Variants in IPO11 observed in about 807,000 individuals in gnomAD.
IPO11 encodes the protein importin 11.
Under a neutral mutation model 143.2 loss-of-function variants are expected in IPO11, and 66 were observed. The observed-to-expected ratio is 0.46, with a 90% CI of 0.38 to 0.57. The LOEUF (loss-of-function observed/expected upper bound fraction) is 0.57. Ranked by LOEUF, IPO11 falls within the 20% of genes least tolerant of loss-of-function variation. IPO11 has a pLI of 0.00. For missense variants in IPO11, 1,026 were observed against 1,141.0 expected (o/e 0.90, Z 1.45); for synonymous variants, 385 against 377.8 (o/e 1.02, Z -0.22).
chr5:62,546,684 A>C (rs572704718), intron 24 of IPO11, among the ~76,000 whole-genome samples: 2 of 152,320 alleles, frequency 1.3e-5, no homozygotes, highest in African/African-American at 4.8e-5. Context: ...TCTTTTTGTA[A>C]TAACAAAATG....
chr5:62,460,396 A>G (rs1231471147), intron 5 of IPO11, among the ~76,000 whole-genome samples: 6 of 152,188 alleles, frequency 3.9e-5, no homozygotes, highest in Non-Finnish European at 5.9e-5. Flanking sequence ...TTGTTGATTA[A>G]TATACCTTGC....
chr5:62,543,897 G>A (rs934538564), intron 24 of IPO11, among the ~76,000 whole-genome samples: 1 of 152,042 alleles, frequency 6.6e-6, no homozygotes, highest in South Asian at 2.1e-4. Flanking sequence ...CATTGTTCTC[G>A]TTGGTTTCAA....
At chr5:62,432,207 G>C (rs1744018817) in intron 1 of IPO11, among the ~76,000 whole-genome samples, 3 of 152,150 alleles carry the variant, frequency 2.0e-5, no homozygotes, top group South Asian at 2.1e-4. Flanking sequence ...ATTTATCCTG[G>C]TGTGGTACCT....
At chr5:62,572,579 T>C (rs896782570) in intron 27 of IPO11, among the ~76,000 whole-genome samples, 6 of 133,922 alleles carry the variant, frequency 4.5e-5, no homozygotes, top group African/African-American at 1.6e-4. Context: ...ATTTATTTAT[T>C]TATTTATTTT....
At chr5:62,418,941 G>T in intron 1 of IPO11, 1 of 1,506,912 alleles carries the variant, frequency 6.6e-7, no homozygotes. Context: ...GTTGCTTAAG[G>T]CTGGGATACA....
At chr5:62,443,754 C>T (rs1007130358) in intron 3 of IPO11, among the ~76,000 whole-genome samples, 1 of 152,052 alleles carries the variant, frequency 6.6e-6, no homozygotes, top group Non-Finnish European at 1.5e-5. Context: ...CATTTGTAAT[C>T]ACATTAGTAT....
intron 9 of IPO11, among the ~76,000 whole-genome samples, chr5:62,482,099 G>T (rs960258351): frequency 1.2e-4 from 19 of 152,178 alleles, no homozygotes; most frequent in African/African-American, 4.3e-4. Context: ...AGTGTTCTCT[G>T]ATGTTGGTTT....
chr5:62,421,807 T>C (rs1227215138), intron 1 of IPO11, among the ~76,000 whole-genome samples: 6 of 152,226 alleles, frequency 3.9e-5, no homozygotes, highest in Non-Finnish European at 5.9e-5. Flanking sequence ...ATACAGCACA[T>C]GCATGTTTGA....
intron 11 of IPO11, 149 bp downstream of exon 11, chr5:62,484,311 T>C (rs1746317498): frequency 1.6e-6 from 1 of 609,168 alleles, no homozygotes; most frequent in Non-Finnish European, 2.6e-6. Context: ...TTCGTTGTTA[T>C]CCATTAGAAC....
chr5:62,565,257 A>C lies in IPO11; in HGVS notation c.2582+4000A>C, dbSNP rs542882414. On this transcript the variant is annotated intron_variant, in intron 27 of 29. Transcript: ENST00000325324. ...TCCCAGCACTTTTGGAGGCCGAGGC[A>C]GGCAGATCACTTGAGGTCAGGACTT... is the stretch of plus-strand genomic sequence containing the variant. 3.3e-5 allele frequency among the ~76,000 whole-genome samples: 5 copies of C among 152,296 alleles called. No individual in the cohort carries two copies. The South Asian group carries it at 1.0e-3, about 32-fold the overall frequency.
At chr5:62,524,260 A>C (rs1428125724) in intron 20 of IPO11, among the ~76,000 whole-genome samples, 2 of 152,128 alleles carry the variant, frequency 1.3e-5, no homozygotes, top group Admixed American at 6.5e-5. Context: ...TGTGTTATAT[A>C]GTATAGTAGA....
intron 9 of IPO11, among the ~76,000 whole-genome samples, chr5:62,477,802 A>G (rs1746012508): frequency 6.6e-6 from 1 of 151,972 alleles, no homozygotes; most frequent in Non-Finnish European, 1.5e-5. Flanking sequence ...AGTTCTTTCA[A>G]CTCTTTCTTA....
At chr5:62,610,484 GT>G (rs1477982586) in intron 29 of IPO11, among the ~76,000 whole-genome samples, 1 of 152,012 alleles carries the variant, frequency 6.6e-6, no homozygotes, top group Non-Finnish European at 1.5e-5. Flanking sequence ...CTGGTTTGTT[GT>G]CACTTACGTG....
chr5:62,453,661 G>T (rs181312480), intron 5 of IPO11, among the ~76,000 whole-genome samples: 2 of 152,010 alleles, frequency 1.3e-5, no homozygotes, highest in African/African-American at 4.8e-5. Flanking sequence ...AAAAACATTC[G>T]TTTTCAATCT....
chr5:62,441,335 A>T (rs935199045), intron 2 of IPO11, among the ~76,000 whole-genome samples: 11 of 146,662 alleles, frequency 7.5e-5, no homozygotes, highest in Admixed American at 7.0e-4. Flanking sequence ...AGTAGCTGGG[A>T]TTACAGGCAT....
intron 27 of IPO11, chr5:62,579,700 G>C (rs1163202765): frequency 3.2e-6 from 5 of 1,548,434 alleles, no homozygotes; most frequent in Non-Finnish European, 4.4e-6. Context: ...TTCTCTTGTA[G>C]CATTGTATTT....
At position 62,494,048 on chromosome 5, in the gene IPO11, C is replaced by T; in HGVS notation, c.1514C>T (p.Ser505Phe). Reference sequence around the variant, plus strand: ...ATTTGGCTCATCGGTCAGTGGATTTCTGTGAAATTCAAGTCTGACTTAAGA... The same window carrying T: ...ATTTGGCTCATCGGTCAGTGGATTTTTGTGAAATTCAAGTCTGACTTAAGA... ...RVIWLIGQWI[S>F]VKFKSDLRPM... The change falls in exon 16 of 30, where the codon TCT becomes TTT. Residue 505 changes from serine to phenylalanine, a missense_variant. By Grantham distance (155) the Ser-to-Phe change is radical (BLOSUM62 -2). Coordinates refer to ENST00000325324, the MANE Select transcript of IPO11 (RefSeq NM_016338.5). The T allele has an allele frequency of 6.2e-7, 1 of 1,613,454 alleles. No homozygotes were observed. The highest frequency in any genetic ancestry group is 8.5e-7 in the Non-Finnish European group (1 of 1,179,652).
At chr5:62,449,727 C>T (rs1047515768) in intron 3 of IPO11, 200 bp from the exon 4 acceptor site, 1 of 403,180 alleles carries the variant, frequency 2.5e-6, no homozygotes, top group Non-Finnish European at 4.5e-6. Flanking sequence ...CAATTAGGGA[C>T]AGTTGTTTAG....
At chr5:62,602,327 C>CAA (rs199991866) in intron 29 of IPO11, among the ~76,000 whole-genome samples, 3 of 147,820 alleles carry the variant, frequency 2.0e-5, no homozygotes, top group African/African-American at 5.0e-5. Context: ...GGGAAAAGAA[C>CAA]AAAAAAAAAG....
Sources: gnomAD v4.1 joint callset for allele counts (sites outside exome capture counted in the v4.1 genomes callset) on GRCh38, gnomAD v4.1.1 for gene constraint, MANE v1.5 for transcripts, NCBI Gene and HGNC (gene_info 2026-07-23, HGNC 2026-07-21) for gene names.